TMEM276: variants seen among roughly 807,000 people sequenced by gnomAD.
TMEM276 encodes transmembrane protein 276.
the TMEM276 span, chr8:144,464,301 G>A: frequency 6.2e-7 from 1 of 1,613,192 alleles, no homozygotes; most frequent in Non-Finnish European, 8.5e-7. Flanking sequence ...CATAAGTGTT[G>A]GCCGTGAAGA....
At chr8:144,466,785 G>A in the TMEM276 span, 2 of 1,533,486 alleles carry the variant, frequency 1.3e-6, no homozygotes, top group Non-Finnish European at 1.7e-6. Flanking sequence ...CGGGGTCGCC[G>A]GCGCCCAGAC....
the TMEM276 span, chr8:144,466,642 T>A: frequency 7.2e-6 from 7 of 973,186 alleles, no homozygotes; most frequent in African/African-American, 1.8e-5. Flanking sequence ...GACCCTCGGC[T>A]CGGCCCCGAT....
At chr8:144,466,546 C>T in the TMEM276 span, 4 of 1,125,224 alleles carry the variant, frequency 3.6e-6, no homozygotes, top group Admixed American at 8.8e-5. Context: ...TGCAGCCCGT[C>T]GTCTCCCGCC....
the TMEM276 span, chr8:144,464,076 G>A: frequency 1.3e-6 from 2 of 1,565,494 alleles, no homozygotes; most frequent in Admixed American, 1.8e-5. Context: ...CAGGCAGGTG[G>A]GAGGGAAAGT....
At chr8:144,464,764 T>C in the TMEM276 span, 1 of 1,608,690 alleles carries the variant, frequency 6.2e-7, no homozygotes, top group East Asian at 2.2e-5. Flanking sequence ...CCTTGGGGTT[T>C]GGGAGGTATG....
the TMEM276 span, chr8:144,466,748 C>T: frequency 7.2e-6 from 11 of 1,521,896 alleles, no homozygotes; most frequent in Non-Finnish European, 9.6e-6. Context: ...GGCGCCCCTG[C>T]CCCCTCCCTA....
chr8:144,464,872 G>T, the TMEM276 span: 1 of 1,612,512 alleles, frequency 6.2e-7, no homozygotes, highest in East Asian at 2.2e-5. Context: ...ACAGGGCTGT[G>T]CTCCACTCGG....
At chr8:144,463,967 C>T in the TMEM276 span, 5 of 1,500,756 alleles carry the variant, frequency 3.3e-6, no homozygotes, top group African/African-American at 1.4e-5. Context: ...CACACGTGGC[C>T]AAAGGACAGC....
chr8:144,466,750 C>G, the TMEM276 span: 111 of 1,523,504 alleles, frequency 7.3e-5, no homozygotes, highest in East Asian at 2.8e-3. Context: ...CGCCCCTGCC[C>G]CCTCCCTAGA....
chr8:144,465,566 G>A, the TMEM276 span: 1 of 213,472 alleles, frequency 4.7e-6, no homozygotes, highest in Non-Finnish European at 7.8e-6. Flanking sequence ...GGAGAGGGTC[G>A]AGACCTGGGG....
chr8:144,464,824 G>A, the TMEM276 span: 265 of 1,612,736 alleles, frequency 1.6e-4, no homozygotes, highest in Non-Finnish European at 2.2e-4. Context: ...CTGTGCTCAC[G>A]GCTGCGTGCA....
At chr8:144,466,350 G>C in the TMEM276 span, 1 of 542,562 alleles carries the variant, frequency 1.8e-6, no homozygotes, top group African/African-American at 2.0e-5. Context: ...ACTGCGGCGG[G>C]CGGGCGCCGA....
At chr8:144,466,646 C>T in the TMEM276 span, 1 of 1,014,978 alleles carries the variant, frequency 9.9e-7, no homozygotes, top group Non-Finnish European at 1.3e-6. Context: ...CTCGGCTCGG[C>T]CCCGATGCTG....
chr8:144,466,225 G>T, the TMEM276 span: 18 of 189,620 alleles, frequency 9.5e-5, no homozygotes, highest in African/African-American at 3.8e-4. Context: ...GTGAGAAACG[G>T]CGGGTCTCCA....
the TMEM276 span, chr8:144,465,204 G>A: frequency 6.3e-6 from 8 of 1,266,044 alleles, no homozygotes; most frequent in African/African-American, 6.1e-5. Flanking sequence ...GTGGGAGTGC[G>A]GGCCTGGGGA....
At chr8:144,464,953 TTGGAG>T in the TMEM276 span, 1 of 1,597,104 alleles carries the variant, frequency 6.3e-7, no homozygotes, top group Non-Finnish European at 8.5e-7. Flanking sequence ...ATACTCAACT[TTGGAG>T]AGGAAGGAAG....
At chr8:144,463,918 T>A in the TMEM276 span, 2 of 1,429,324 alleles carry the variant, frequency 1.4e-6, no homozygotes, top group East Asian at 5.0e-5. Flanking sequence ...CAAACGTGTC[T>A]GGGACCCTGT....
chr8:144,466,628 C>T, the TMEM276 span: 4 of 903,670 alleles, frequency 4.4e-6, no homozygotes, highest in East Asian at 6.7e-5. Context: ...GGGGCCGTGC[C>T]GAGGACCCTC....
the TMEM276 span, chr8:144,465,037 C>T: frequency 2.0e-6 from 3 of 1,535,036 alleles, no homozygotes; most frequent in Admixed American, 3.9e-5. Flanking sequence ...GTCCCCATTA[C>T]TGGATGTTAG....
Sources: allele counts gnomAD v4.1 joint callset, GRCh38; gene constraint gnomAD v4.1.1; transcripts MANE v1.5; gene names NCBI Gene and HGNC (gene_info 2026-07-23, HGNC 2026-07-21).